RAB1B: variants seen among roughly 807,000 people sequenced by gnomAD.
RAB1B encodes RAB1B, member RAS oncogene family, also known as ras-related protein Rab-1B.
Under a neutral mutation model 24.8 loss-of-function variants are expected in RAB1B, and 10 were observed. That is an observed-to-expected ratio of 0.40 (90% CI 0.25 to 0.68). RAB1B has a LOEUF of 0.68. Among genes scored for constraint, RAB1B ranks in the 30% least tolerant of loss-of-function variants. The pLI, the probability that RAB1B is intolerant of heterozygous loss-of-function variation, is 0.37. For missense variants in RAB1B, 154 were observed against 271.2 expected (o/e 0.57, Z 3.04); for synonymous variants, 99 against 111.7 (o/e 0.89, Z 0.72).
Position 66,276,257 on chromosome 11 carries a change from G to T in RAB1B, c.*19G>T. ...TTGCTAGGAGGGGCACATGGAGTGG[G>T]ACAGGAGGGGGCACCTTCTCCAGAT... On this transcript the variant is annotated 3_prime_UTR_variant, in exon 6 of 6. Transcript: ENST00000311481. 3 of 1,553,182 alleles carry T rather than the reference G, an allele frequency of 1.9e-6. No individual in the cohort carries two copies. Among genetic ancestry groups the T allele is most frequent in the Non-Finnish European group, 1.7e-6 (2 of 1,155,320 alleles).
Position 66,276,261 on chromosome 11 carries a change from G to C in RAB1B, c.*23G>C, listed in dbSNP as rs754919317. 1.3e-6 allele frequency: 2 copies of C among 1,545,946 alleles called. No homozygotes were observed. The highest frequency in any genetic ancestry group is 2.5e-5 in the South Asian group (2 of 81,446). On this transcript the variant is annotated 3_prime_UTR_variant, in exon 6 of 6. Transcript: ENST00000311481. ...TAGGAGGGGCACATGGAGTGGGACA[G>C]GAGGGGGCACCTTCTCCAGATGATG...
At chr11:66,273,546 C>T (rs1054634304) in intron 4 of RAB1B, among the ~76,000 whole-genome samples, 1 of 152,218 alleles carries the variant, frequency 6.6e-6, no homozygotes, top group Admixed American at 6.5e-5. Context: ...GTGCTGCCTC[C>T]CATCACCCTG....
chr11:66,273,037 C>T (rs1857086630), intron 4 of RAB1B, among the ~76,000 whole-genome samples: 1 of 152,232 alleles, frequency 6.6e-6, no homozygotes, highest in Non-Finnish European at 1.5e-5. Context: ...CTCAGATTGC[C>T]TCTGATGCTC....
Position 66,276,357 on chromosome 11 carries a change from C to T in RAB1B, c.*119C>T, listed in dbSNP as rs959866346. 1.6e-5 allele frequency: 16 copies of T among 973,300 alleles called. No homozygotes were observed. Among genetic ancestry groups the T allele is most frequent in the African/African-American group, 5.0e-5 (3 of 60,592 alleles). 60.3% of individuals were successfully genotyped at this position (973,300 alleles called of 1,614,324 possible). On this transcript the variant is annotated 3_prime_UTR_variant, in exon 6 of 6. Coordinates refer to ENST00000311481, the MANE Select transcript of RAB1B (RefSeq NM_030981.3). The stretch of plus-strand genomic sequence containing the variant: ...ATTTGAGTCTGTGGCTTTGGGGTGT[C>T]CTGGGCTCCCCATCTCCTTCTGGCC...
rs1321431479 is a variant in RAB1B, at chr11:66,272,186, C to T, written c.117C>T (p.Ser39=). The T allele has an allele frequency of 4.3e-6, 7 of 1,613,612 alleles. 1 individual carries two copies. The highest frequency in any genetic ancestry group is 5.9e-6 in the Non-Finnish European group (7 of 1,179,528). Residue 39 remains serine, a synonymous_variant, in exon 3 of 6, where the codon AGC becomes AGT. Coordinates refer to ENST00000311481, the MANE Select transcript of RAB1B (RefSeq NM_030981.3). ...ADDTYTESYI[S]TIGVDFKIRT... ...ACACGTACACAGAGAGCTACATCAGCACCATCGGGGTGGACTTCAAGATCC... is the reference window on the plus strand; with the variant it reads ...ACACGTACACAGAGAGCTACATCAGTACCATCGGGGTGGACTTCAAGATCC...
chr11:66,269,054 C>A lies in RAB1B; in HGVS notation c.14+361C>A, dbSNP rs545526411. ...GACAACTGTCCCGGAGTTTTGGAGC[C>A]CGTCTTGATAGTTTCTGGTCTCGGG... On this transcript the variant is annotated intron_variant, in intron 1 of 5. Coordinates refer to ENST00000311481, the MANE Select transcript of RAB1B (RefSeq NM_030981.3). 2.6e-5 allele frequency among the ~76,000 whole-genome samples: 4 copies of A among 152,140 alleles called. No individual in the cohort carries two copies. In the East Asian group the frequency reaches 7.8e-4, roughly 30 times the overall value.
Position 66,276,197 on chromosome 11 carries a change from G to A in RAB1B, c.565G>A (p.Asp189Asn), listed in dbSNP as rs189228025. 67 of 1,605,360 alleles carry A rather than the reference G, an allele frequency of 4.2e-5. No homozygotes were observed. In the Admixed American group the frequency reaches 8.8e-4, roughly 21 times the overall value. Residue 189 changes from aspartate to asparagine, a missense_variant, in exon 6 of 6, where the codon GAC becomes AAC. By Grantham distance (23) the Asp-to-Asn change is conservative (BLOSUM62 1). Around this residue, in one of 2 missense-constraint regions of RAB1B, gnomAD observed 77 missense variants for 97.8 expected, o/e 0.79. Transcript: ENST00000311481. ...GGGCGAGCGGCCCAATCTCAAGATC[G>A]ACAGCACCCCTGTAAAGCCGGCTGG... The part of the protein sequence containing the change: ...SGGERPNLKI[D>N]STPVKPAGGG...
intron 4 of RAB1B, among the ~76,000 whole-genome samples, chr11:66,275,091 GC>G (rs1857120717): frequency 6.6e-6 from 1 of 152,142 alleles, no homozygotes; most frequent in Non-Finnish European, 1.5e-5. Flanking sequence ...TTTGTCCCCA[GC>G]ACTTAGCACA....
At chr11:66,270,161 C>G (rs745316731) in intron 1 of RAB1B, 17 of 152,300 alleles carry the variant, frequency 1.1e-4, no homozygotes, top group Non-Finnish European at 1.9e-4. Flanking sequence ...AGGTGTCAGT[C>G]ACTGCACCCA....
chr11:66,276,213 A>G lies in RAB1B; in HGVS notation c.581A>G (p.Lys194Arg). The change falls in exon 6 of 6, where the codon AAG (lysine) becomes AGG (arginine). Residue 194 changes from lysine (K) to arginine (R), a missense_variant. Physicochemically the swap from Lys to Arg is conservative, Grantham distance 26 (BLOSUM62 2). Transcript: ENST00000311481. ...CTCAAGATCGACAGCACCCCTGTAA[A>G]GCCGGCTGGCGGTGGCTGTTGCTAG... ...PNLKIDSTPV[K>R]PAGGGCC 6.3e-7 allele frequency: 1 copy of G among 1,597,790 alleles called. No individual in the cohort carries two copies. Among genetic ancestry groups the G allele is most frequent in the Non-Finnish European group, 8.5e-7 (1 of 1,174,624 alleles).
chr11:66,271,572 A>G, intron 1 of RAB1B: 1 of 364,244 alleles, frequency 2.7e-6, no homozygotes, highest in Non-Finnish European at 5.1e-6. Context: ...CAGGAAGCTG[A>G]GGTGGGAAGA....
intron 4 of RAB1B, among the ~76,000 whole-genome samples, chr11:66,273,838 G>C (rs1055723928): frequency 1.3e-5 from 2 of 152,152 alleles, no homozygotes; most frequent in African/African-American, 4.8e-5. Flanking sequence ...CTCACGGGAA[G>C]GGCAAAGCCA....
At chr11:66,272,307 A>G (rs1857073467) in intron 3 of RAB1B, 55 bp downstream of exon 3, 2 of 1,600,218 alleles carry the variant, frequency 1.2e-6, no homozygotes, top group African/African-American at 1.3e-5. Context: ...CTTGGGAGGG[A>G]AGGGACTCTG....
At chr11:66,271,919 TG>T (rs1318555424) in intron 2 of RAB1B, 50 bp downstream of exon 2, 4 of 1,470,904 alleles carry the variant, frequency 2.7e-6, no homozygotes, top group Non-Finnish European at 3.8e-6. Flanking sequence ...GACTGGCAGC[TG>T]GGGGGAGAAG....
intron 4 of RAB1B, among the ~76,000 whole-genome samples, chr11:66,273,017 T>C (rs1857085696): frequency 6.6e-6 from 1 of 152,236 alleles, no homozygotes; most frequent in African/African-American, 2.4e-5. Flanking sequence ...TTACAGAACC[T>C]GGCCCAGCCC....
intron 1 of RAB1B, 86 bp downstream of exon 1, chr11:66,268,779 C>G: frequency 7.5e-7 from 1 of 1,327,208 alleles, no homozygotes; most frequent in Non-Finnish European, 9.9e-7. Flanking sequence ...TGGCCCGGGT[C>G]AGGACTGTGC....
rs972739965 is a variant in RAB1B at position 66,276,403 on chromosome 11, C to T, written c.*165C>T. ...TGGCCCATCTGCCTGCTGCCCTGAG[C>T]CCCGGTTCTGTCAGGGTCCCTAAGG... On this transcript the variant is annotated 3_prime_UTR_variant, in exon 6 of 6. Coordinates refer to ENST00000311481, the MANE Select transcript of RAB1B (RefSeq NM_030981.3). 2 of 687,700 alleles carry T rather than the reference C, an allele frequency of 2.9e-6. No homozygotes were observed. The highest frequency in any genetic ancestry group is 4.6e-6 in the Non-Finnish European group (2 of 435,124). The allele number at this position is 687,700 out of a possible 1,614,324, so 42.6% of individuals were successfully genotyped here. A position where few individuals can be genotyped will look rare whatever the true frequency, so the allele number is the denominator to read the frequency against.
chr11:66,272,312 A>G (rs1481534045), intron 3 of RAB1B, 53 bp from the exon 4 acceptor site: 4 of 1,597,796 alleles, frequency 2.5e-6, no homozygotes, highest in African/African-American at 2.7e-5. Flanking sequence ...GAGGGAAGGG[A>G]CTCTGGGACT....
intron 5 of RAB1B, 29 bp downstream of exon 5, chr11:66,275,964 C>G (rs780859927): frequency 6.2e-7 from 1 of 1,609,174 alleles, no homozygotes; most frequent in African/African-American, 1.3e-5. Context: ...TGCCCGGGGT[C>G]GGGGCGCTGG....
Sources: allele counts gnomAD v4.1 joint callset (sites outside exome capture counted in the v4.1 genomes callset), GRCh38; gene constraint gnomAD v4.1.1; regional missense constraint gnomAD v4.1.1; transcripts MANE v1.5; gene names NCBI Gene and HGNC (gene_info 2026-07-23, HGNC 2026-07-21).